Variants in COMP observed in about 807,000 individuals in gnomAD.
COMP encodes the protein cartilage oligomeric matrix protein.
Under a neutral mutation model 95.8 loss-of-function variants are expected in COMP, and 79 were observed. The observed-to-expected ratio is 0.82, with a 90% CI of 0.69 to 0.99. The LOEUF (loss-of-function observed/expected upper bound fraction) is 0.99, where lower values mean the gene tolerates loss of function less well. COMP is among the 50% of genes least tolerant of loss of function. The pLI, the probability that COMP is intolerant of heterozygous loss-of-function variation, is 0.00. For missense variants in COMP, 906 were observed against 1,076.1 expected (o/e 0.84, Z 2.21); for synonymous variants, 438 against 433.9 (o/e 1.01, Z -0.12).
chr19:18,787,366 C>T, intron 10 of COMP, 125 bp downstream of exon 10: 7 of 1,398,428 alleles, frequency 5.0e-6, no homozygotes, highest in South Asian at 2.4e-5. Flanking sequence ...GGTCTTTGGT[C>T]CAGGGCGCCC....
In COMP at chr19:18,788,664, G is replaced by C. The variant is rs2055188008; in HGVS notation, c.690C>G (p.Pro230=). Residue 230 remains proline, a synonymous_variant, in exon 7 of 19, where the codon CCC becomes CCG. Coordinates refer to ENST00000222271, the MANE Select transcript of COMP (RefSeq NM_000095.3). The surrounding 1 kb of genome is among the most constrained non-coding windows in gnomAD (Gnocchi z 4.7). ...GCQRRAQRFC[P]DGSPSECHEH... Reference sequence around the variant, plus strand: ...CGTGGCACTCGCTGGGCGAGCCGTCGGGGCAGAAGCGCTGTGCGCGCCGCT... The same window carrying C: ...CGTGGCACTCGCTGGGCGAGCCGTCCGGGCAGAAGCGCTGTGCGCGCCGCT... The C allele has an allele frequency of 3.2e-6, 5 of 1,544,552 alleles. No homozygotes were observed. Among genetic ancestry groups the C allele is most frequent in the Non-Finnish European group, 4.4e-6 (5 of 1,145,890 alleles).
chr19:18,786,082 C>T lies in COMP; in HGVS notation c.1372G>A (p.Asp458Asn). The T allele has an allele frequency of 6.2e-7, 1 of 1,614,118 alleles. No homozygotes were observed. The highest frequency in any genetic ancestry group is 8.5e-7 in the Non-Finnish European group (1 of 1,180,038). The change falls in exon 13 of 19, where the codon GAC (aspartate) becomes AAC (asparagine). Residue 458 changes from aspartate (D) to asparagine (N), a missense_variant. Transcript: ENST00000222271. Reference sequence around the variant, plus strand: ...TCACCCTGGCCATCGTGGTCTGAGTCCTCCTGGGCACTGTTAGGCACCGTG... The same window carrying T: ...TCACCCTGGCCATCGTGGTCTGAGTTCTCCTGGGCACTGTTAGGCACCGTG... ...CPTVPNSAQEDSDHDGQGDAC... is the reference protein window; with the variant it reads ...CPTVPNSAQENSDHDGQGDAC...
chr19:18,785,453 C>A, intron 15 of COMP, 45 bp downstream of exon 15: 1 of 1,611,430 alleles, frequency 6.2e-7, no homozygotes, highest in Non-Finnish European at 8.5e-7. Context: ...GCCCCTCTCC[C>A]TGAGCCCGCT....
Position 18,789,004 on chromosome 19 carries a change from C to A in COMP, c.529-91G>T. ...CACTTCCTCCGCATCCTGCCTCTCC[C>A]CTCCATCCTGCCCCAAACCGATCAG... On this transcript the variant is annotated intron_variant, in intron 5 of 18. Transcript: ENST00000222271. The surrounding 1 kb of genome is among the most constrained non-coding windows in gnomAD (Gnocchi z 6.1). 6.4e-7 allele frequency: 1 copy of A among 1,552,882 alleles called. No individual in the cohort carries two copies.
chr19:18,786,374 G>T, intron 11 of COMP, 83 bp from the exon 12 acceptor site: 1 of 1,599,940 alleles, frequency 6.3e-7, no homozygotes, highest in Non-Finnish European at 8.6e-7. Flanking sequence ...CACAGCCAAG[G>T]TCCTCCTGAC....
At chr19:18,786,930 G>A (rs1483649172) in intron 10 of COMP, 8 of 382,962 alleles carry the variant, frequency 2.1e-5, no homozygotes, top group Admixed American at 4.3e-5. Context: ...GCGCCACCAC[G>A]CCCAGCAAAT....
At chr19:18,790,472 T>A in intron 3 of COMP, 90 bp downstream of exon 3, 5 of 1,548,700 alleles carry the variant, frequency 3.2e-6, no homozygotes, top group Non-Finnish European at 3.6e-6. Flanking sequence ...TCCGTCTCTT[T>A]TCCTCCCCAG....
chr19:18,786,109 G>C lies in COMP; in HGVS notation c.1345C>G (p.Pro449Ala). 1.2e-6 allele frequency: 2 copies of C among 1,614,184 alleles called. No homozygotes were observed. Among genetic ancestry groups the C allele is most frequent in the Non-Finnish European group, 1.7e-6 (2 of 1,180,050 alleles). Residue 449 changes from proline (P) to alanine (A), a missense_variant, in exon 13 of 19, where the codon CCC (proline) becomes GCC (alanine). By Grantham distance (27) the Pro-to-Ala change is conservative. Coordinates refer to ENST00000222271, the MANE Select transcript of COMP (RefSeq NM_000095.3). ...DGHQDSRDNC[P>A]TVPNSAQEDS... The stretch of plus-strand genomic sequence containing the variant: ...TCCTGGGCACTGTTAGGCACCGTGG[G>C]ACAGTTGTCCCGAGAGTCCTGATGT...
Position 18,789,938 on chromosome 19 carries a change from G to C in COMP, c.390+4C>G. On this transcript the variant is annotated splice_donor_region_variant and intron_variant, in intron 4 of 18. Coordinates refer to ENST00000222271, the MANE Select transcript of COMP (RefSeq NM_000095.3). This position sits in a 1 kb window ranked among gnomAD's most constrained non-coding sequence, Gnocchi z 6.1. ...AGGGCGGTGGAGTGTCGGGGCTAGC[G>C]CACCTCGTTGACGTCGGTGCAGTGC... 1 of 1,592,030 alleles carries C rather than the reference G, an allele frequency of 6.3e-7. No individual in the cohort carries two copies. The highest frequency in any genetic ancestry group is 8.5e-7 in the Non-Finnish European group (1 of 1,177,534).
rs1373414459 is a variant in COMP, at chr19:18,785,108, G to C, written c.1718-16C>G. 11 of 1,612,872 alleles carry C rather than the reference G, an allele frequency of 6.8e-6. No homozygotes were observed. The highest frequency in any genetic ancestry group is 8.5e-6 in the Non-Finnish European group (10 of 1,179,404). ...GCAGTGTAACCTAGGGATGGAAAGA[G>C]AGCAGTGGCCTTTCCGAACGCCAGC... On this transcript the variant is annotated splice_polypyrimidine_tract_variant and intron_variant, in intron 15 of 18. Coordinates refer to ENST00000222271, the MANE Select transcript of COMP (RefSeq NM_000095.3).
Position 18,785,770 on chromosome 19 carries a change from G to T in COMP, c.1571C>A (p.Ala524Asp). The T allele has an allele frequency of 6.2e-7, 1 of 1,613,188 alleles. No homozygotes were observed. Among genetic ancestry groups the T allele is most frequent in the South Asian group, 1.1e-5 (1 of 91,086 alleles). The change falls in exon 14 of 19, where the codon GCT (alanine) becomes GAT (aspartate). Residue 524 changes from alanine (A) to aspartate (D), a missense_variant. Ala to Asp is a moderately radical substitution (Grantham distance 126, BLOSUM62 -2). Coordinates refer to ENST00000222271, the MANE Select transcript of COMP (RefSeq NM_000095.3). ...CCTGAAGTCGGTGAGCGTGACTTCAGCGTTCTCCGGACACACGTCGATCTT... is the reference window on the plus strand; with the variant it reads ...CCTGAAGTCGGTGAGCGTGACTTCATCGTTCTCCGGACACACGTCGATCTT... ...VDKIDVCPEN[A>D]EVTLTDFRAF... is the part of the protein sequence containing the mutation.
In COMP at chr19:18,789,403, G is replaced by A. The variant is rs1043785007; in HGVS notation, c.391-106C>T. On this transcript the variant is annotated intron_variant, in intron 4 of 18. Coordinates refer to ENST00000222271, the MANE Select transcript of COMP (RefSeq NM_000095.3). This position sits in a 1 kb window ranked among gnomAD's most constrained non-coding sequence, Gnocchi z 6.1. ...GAAAGTTCAAGGGCCATATGCCAGT[G>A]CTTGGAGCTCTGAGATGGAAGCAAT... 3.7e-5 allele frequency: 45 copies of A among 1,219,370 alleles called. No individual in the cohort carries two copies. Among genetic ancestry groups the A allele is most frequent in the African/African-American group, 6.2e-5 (4 of 64,822 alleles). The allele number at this position is 1,219,370 out of a possible 1,614,324, so 75.5% of individuals were successfully genotyped here. A position where few individuals can be genotyped will look rare whatever the true frequency, so the allele number is the denominator to read the frequency against.
At position 18,784,885 on chromosome 19, in the gene COMP, G is replaced by A. The variant is rs754152177; in HGVS notation, c.1914+11C>T. On this transcript the variant is annotated intron_variant, in intron 16 of 18. Coordinates refer to ENST00000222271, the MANE Select transcript of COMP (RefSeq NM_000095.3). The surrounding 1 kb of genome is among the most constrained non-coding windows in gnomAD (Gnocchi z 4.9). ...AGGACCGCAGAGGTCAGGCACGGAC[G>A]GCCCTGGCACCTTGAGTTGGATGCC... The A allele has an allele frequency of 3.1e-6, 5 of 1,613,190 alleles. No individual in the cohort carries two copies. In the South Asian group the frequency reaches 3.3e-5, roughly 11 times the overall value.
Position 18,789,299 on chromosome 19 carries a change from TG to T in COMP, c.391-3del. On this transcript the variant is annotated splice_polypyrimidine_tract_variant and splice_region_variant and intron_variant, in intron 4 of 18. Coordinates refer to ENST00000222271, the MANE Select transcript of COMP (RefSeq NM_000095.3). The surrounding 1 kb of genome is among the most constrained non-coding windows in gnomAD (Gnocchi z 6.1). The stretch of plus-strand genomic sequence containing the variant: ...GGGGAAGCAGGGGTGGGCGTTGCAC[TG>T]GGGGAGGAGGGGCCACAGAGGGTCA... 1.4e-6 allele frequency: 2 copies of T among 1,474,470 alleles called. No homozygotes were observed. The highest frequency in any genetic ancestry group is 1.5e-5 in the South Asian group (1 of 68,670). 91.3% of individuals were successfully genotyped at this position (1,474,470 alleles called of 1,614,324 possible). A position where few individuals can be genotyped will look rare whatever the true frequency, so the allele number is the denominator to read the frequency against.
At position 18,789,420 on chromosome 19, in the gene COMP, G is replaced by A; in HGVS notation, c.391-123C>T. ...ATGCCAGTGCTTGGAGCTCTGAGAT[G>A]GAAGCAATTGTCGCAGGGGTCAGGC... On this transcript the variant is annotated intron_variant, in intron 4 of 18. Coordinates refer to ENST00000222271, the MANE Select transcript of COMP (RefSeq NM_000095.3). This position sits in a 1 kb window ranked among gnomAD's most constrained non-coding sequence, Gnocchi z 6.1. 9.1e-7 allele frequency: 1 copy of A among 1,102,440 alleles called. No homozygotes were observed. Among genetic ancestry groups the A allele is most frequent in the African/African-American group, 1.6e-5 (1 of 62,888 alleles). The allele number at this position is 1,102,440 out of a possible 1,614,324, so 68.3% of individuals were successfully genotyped here. A position where few individuals can be genotyped will look rare whatever the true frequency, so the allele number is the denominator to read the frequency against.
rs771843783 is a variant in COMP at position 18,784,960 on chromosome 19, A to G, written c.1850T>C (p.Met617Thr). The G allele has an allele frequency of 1.1e-5, 18 of 1,614,088 alleles. No homozygotes were observed. In the Admixed American group the frequency reaches 2.5e-4, roughly 22 times the overall value. ...GTTCGCCTGCCAATACGTTTGCTCC[A>G]TCTGCTTCCACATGACCACGTAGAA... ...SSFYVVMWKQ[M>T]EQTYWQANPF... is the part of the protein sequence containing the mutation. Residue 617 changes from methionine to threonine, a missense_variant, in exon 16 of 19, where the codon ATG (methionine) becomes ACG (threonine). By Grantham distance (81) the Met-to-Thr change is moderately conservative. Coordinates refer to ENST00000222271, the MANE Select transcript of COMP (RefSeq NM_000095.3). The surrounding 1 kb of genome is among the most constrained non-coding windows in gnomAD (Gnocchi z 4.9).
Position 18,786,521 on chromosome 19 carries a change from C to G in COMP, c.1254+11G>C. On this transcript the variant is annotated intron_variant, in intron 11 of 18. Transcript: ENST00000222271. Reference sequence around the variant, plus strand: ...GAGGGCTTACCCAGCTGGAGTCTGGCCTGCCCTCACCTGATCCGGGTTGCT... The same window carrying G: ...GAGGGCTTACCCAGCTGGAGTCTGGGCTGCCCTCACCTGATCCGGGTTGCT... The G allele has an allele frequency of 6.2e-7, 1 of 1,610,000 alleles. No individual in the cohort carries two copies. Among genetic ancestry groups the G allele is most frequent in the South Asian group, 1.1e-5 (1 of 90,992 alleles).
Position 18,784,078 on chromosome 19 carries a change from T to G in COMP, c.2087+113A>C. 1 of 1,220,776 alleles carries G rather than the reference T, an allele frequency of 8.2e-7. No homozygotes were observed. The highest frequency in any genetic ancestry group is 2.4e-5 in the East Asian group (1 of 42,470). The allele number at this position is 1,220,776 out of a possible 1,614,324, so 75.6% of individuals were successfully genotyped here. A position where few individuals can be genotyped will look rare whatever the true frequency, so the allele number is the denominator to read the frequency against. ...GCTCATTCTAACTGCCCTGTATCTTTCCTATCGTACAGATGAGGGGACCAG... is the reference window on the plus strand; with the variant it reads ...GCTCATTCTAACTGCCCTGTATCTTGCCTATCGTACAGATGAGGGGACCAG... On this transcript the variant is annotated intron_variant, in intron 17 of 18. Transcript: ENST00000222271. This position sits in a 1 kb window ranked among gnomAD's most constrained non-coding sequence, Gnocchi z 4.9.
chr19:18,790,943 G>A lies in COMP; in HGVS notation c.80-8C>T. 6.4e-7 allele frequency: 1 copy of A among 1,553,964 alleles called. No homozygotes were observed. The highest frequency in any genetic ancestry group is 8.7e-7 in the Non-Finnish European group (1 of 1,149,966). On this transcript the variant is annotated splice_polypyrimidine_tract_variant and splice_region_variant and intron_variant, in intron 1 of 18. Coordinates refer to ENST00000222271, the MANE Select transcript of COMP (RefSeq NM_000095.3). ...GCGGGCCCAGGTCTGAGCCTGCGGC[G>A]GCAGGGGACCTGGTGAGGCGTCATG...
Sources: gnomAD v4.1 joint callset for allele counts on GRCh38, gnomAD v4.1.1 for gene constraint, Gnocchi (gnomAD v3.1) non-coding constraint, MANE v1.5 for transcripts, NCBI Gene and HGNC (gene_info 2026-07-23, HGNC 2026-07-21) for gene names.